The following TNFRSF18 variants were observed in gnomAD, a reference collection of about 807,000 sequenced individuals.
The protein encoded by TNFRSF18 is tumor necrosis factor receptor superfamily member 18.
A neutral mutation model predicts 30.2 loss-of-function variants in TNFRSF18; 36 were observed. The observed-to-expected ratio is 1.19, with a 90% CI of 0.91 to 1.58. TNFRSF18 has a LOEUF of 1.58. TNFRSF18 is among the 40% of genes most tolerant of loss of function. The pLI is 0.00. For missense variants in TNFRSF18, 369 were observed against 345.4 expected (o/e 1.07, Z -0.54); for synonymous variants, 173 against 158.3 (o/e 1.09, Z -0.70).
rs760171509 is a variant in TNFRSF18 at position 1,203,942 on chromosome 1, G to T, written c.628C>A (p.Pro210Thr). The change falls in exon 5 of 5, where the codon CCG (proline) becomes ACG (threonine). Residue 210 changes from proline (P) to threonine (T), a missense_variant. Physicochemically the swap from Pro to Thr is conservative, Grantham distance 38. Transcript: ENST00000379268. ...RETQLLLEVP[P>T]STEDARSCQF... ...CAGCTTCTGGCGTCTTCGGTCGACG[G>T]CGGCACCTCCAGCAGCAGCTGGGTC... 4.9e-5 allele frequency: 78 copies of T among 1,607,334 alleles called. 1 individual carries two copies. The highest frequency in any genetic ancestry group is 2.0e-4 in the East Asian group (9 of 44,856).
intron 3 of TNFRSF18, 61 bp from the exon 4 acceptor site, chr1:1,204,297 G>C: frequency 6.3e-7 from 1 of 1,591,522 alleles, no homozygotes; most frequent in African/African-American, 1.3e-5. Context: ...TCAGCCCCCG[G>C]CTGCTGCCCT....
Position 1,203,741 on chromosome 1 carries a change from G to A in TNFRSF18, c.*103C>T, listed in dbSNP as rs1272242291. 6.4e-6 allele frequency: 10 copies of A among 1,560,298 alleles called. No individual in the cohort carries two copies. The East Asian group carries it at 1.9e-4, about 29-fold the overall frequency. ...CTTCCTGCACCCACTTCTGCTGCCA[G>A]GGGAGCAGGGCCCGGCCCAGAGCAG... On this transcript the variant is annotated 3_prime_UTR_variant, in exon 5 of 5. Transcript: ENST00000379268.
rs966737145 is a variant in TNFRSF18, at chr1:1,204,158, C to G, written c.477G>C (p.Pro159=). The change falls in exon 4 of 5, where the codon CCG becomes CCC. Residue 159 remains proline (P), a synonymous_variant. Transcript: ENST00000379268. ...HNAVCVPGSP[P]AEPLGWLTVV... ...CGGTCAGCCACCCAAGCGGCTCTGC[C>G]GGCGGGGACCCTGGGACGCACACAG... The G allele has an allele frequency of 1.2e-6, 2 of 1,611,928 alleles. No individual in the cohort carries two copies. Among genetic ancestry groups the G allele is most frequent in the African/African-American group, 1.3e-5 (1 of 74,942 alleles).
At chr1:1,204,366 C>G in intron 3 of TNFRSF18, 33 bp downstream of exon 3, 1 of 1,608,846 alleles carries the variant, frequency 6.2e-7, no homozygotes, top group Non-Finnish European at 8.5e-7. Context: ...GCCTGGACCA[C>G]CCGGCCACCG....
Position 1,205,500 on chromosome 1 carries a change from G to A in TNFRSF18, c.188-8C>T, listed in dbSNP as rs560117848. The A allele has an allele frequency of 1.2e-6, 2 of 1,610,046 alleles. No individual in the cohort carries two copies. Among genetic ancestry groups the A allele is most frequent in the South Asian group, 2.2e-5 (2 of 90,844 alleles). On this transcript the variant is annotated splice_polypyrimidine_tract_variant and splice_region_variant and intron_variant, in intron 1 of 4. Coordinates refer to ENST00000379268, the MANE Select transcript of TNFRSF18 (RefSeq NM_004195.3). ...CGGAACAGCACTCCTCGCCTGGGCA[G>A]GAGACAGGCCAGCCCCCCAGCAGCT...
At chr1:1,204,517 G>T in intron 2 of TNFRSF18, 31 bp from the exon 3 acceptor site, 3 of 1,434,910 alleles carry the variant, frequency 2.1e-6, no homozygotes, top group South Asian at 2.3e-5. Flanking sequence ...AGGGAGGGAG[G>T]GAGGCTGGTG....
Position 1,204,228 on chromosome 1 carries a change from T to C in TNFRSF18, c.407A>G (p.Gln136Arg), listed in dbSNP as rs1648694268. ...GHCKPWTDCT[Q>R]FGFLTVFPGN... is the part of the protein sequence containing the mutation. ...AGGGAACACAGTGAGAAACCCGAAC[T>C]GGGTGCAGCTGGAATACATGGACGC... is the stretch of plus-strand genomic sequence containing the variant. The change falls in exon 4 of 5, where the codon CAG becomes CGG. Residue 136 changes from glutamine (Q) to arginine (R), a missense_variant. Gln to Arg is a conservative substitution (Grantham distance 43). Coordinates refer to ENST00000379268, the MANE Select transcript of TNFRSF18 (RefSeq NM_004195.3). 1.2e-6 allele frequency: 2 copies of C among 1,610,510 alleles called. No homozygotes were observed. Among genetic ancestry groups the C allele is most frequent in the Admixed American group, 3.3e-5 (2 of 59,800 alleles).
chr1:1,206,365 A>G lies in TNFRSF18; in HGVS notation c.187+20T>C. The G allele has an allele frequency of 1.3e-6, 2 of 1,545,008 alleles. No homozygotes were observed. The highest frequency in any genetic ancestry group is 1.7e-6 in the Non-Finnish European group (2 of 1,145,338). ...GGGACGCCTTGGCCGGTCCGCGTTA[A>G]GTAAACGCGGTTTACTTACCCGGGT... On this transcript the variant is annotated intron_variant, in intron 1 of 4. Transcript: ENST00000379268.
intron 1 of TNFRSF18, 142 bp from the exon 2 acceptor site, chr1:1,205,634 A>G: frequency 1.2e-6 from 1 of 851,506 alleles, no homozygotes; most frequent in Non-Finnish European, 1.8e-6. Flanking sequence ...CCTGGCTGGG[A>G]GTCTGGACCC....
intron 2 of TNFRSF18, among the ~76,000 whole-genome samples, chr1:1,204,753 G>A (rs1427334411): frequency 2.0e-5 from 3 of 152,188 alleles, no homozygotes; most frequent in East Asian, 3.9e-4. Context: ...GAGGGGAAAG[G>A]CCTGCCCATT....
Position 1,203,900 on chromosome 1 carries a change from C to G in TNFRSF18, c.670G>C (p.Glu224Gln). Reference sequence around the variant, plus strand: ...TCCTCTGCCGATCGCTCGCCCCGCTCTTCCTCGGGGAACTGGCAGCTTCTG... The same window carrying G: ...TCCTCTGCCGATCGCTCGCCCCGCTGTTCCTCGGGGAACTGGCAGCTTCTG... ...DARSCQFPEE[E>Q]RGERSAEEKG... The change falls in exon 5 of 5, where the codon GAG (glutamate) becomes CAG (glutamine). Residue 224 changes from glutamate to glutamine, a missense_variant. By Grantham distance (29) the Glu-to-Gln change is conservative. Coordinates refer to ENST00000379268, the MANE Select transcript of TNFRSF18 (RefSeq NM_004195.3). 6.2e-7 allele frequency: 1 copy of G among 1,607,194 alleles called. No individual in the cohort carries two copies. Among genetic ancestry groups the G allele is most frequent in the Non-Finnish European group, 8.5e-7 (1 of 1,179,436 alleles).
In TNFRSF18 at chr1:1,203,998, C is replaced by T. The variant is rs878949449; in HGVS notation, c.602-30G>A. 1.2e-6 allele frequency: 2 copies of T among 1,607,464 alleles called. 1 individual carries two copies. Among genetic ancestry groups the T allele is most frequent in the South Asian group, 2.2e-5 (2 of 90,738 alleles). On this transcript the variant is annotated intron_variant, in intron 4 of 4. Coordinates refer to ENST00000379268, the MANE Select transcript of TNFRSF18 (RefSeq NM_004195.3). ...AGGGGGGCCACGGTCAGCAGGCAGC[C>T]ATGCTCCCACCTCCCCGCACCAGGC...
intron 1 of TNFRSF18, 37 bp from the exon 2 acceptor site, chr1:1,205,529 C>G (rs11466685): frequency 1.3e-6 from 2 of 1,596,998 alleles, no homozygotes; most frequent in Non-Finnish European, 1.7e-6. Flanking sequence ...AGCAGCTGGG[C>G]TGAGGCCCCC....
rs371611084 is a variant in TNFRSF18 at position 1,203,820 on chromosome 1, G to A, written c.*24C>T. ...TCCTGGGGAGGGGCTGGCTGCGGTC[G>A]GTGGCCCCGGAGGACGGCCAGGCTC... On this transcript the variant is annotated 3_prime_UTR_variant, in exon 5 of 5. Coordinates refer to ENST00000379268, the MANE Select transcript of TNFRSF18 (RefSeq NM_004195.3). 4.6e-5 allele frequency: 73 copies of A among 1,582,024 alleles called. No homozygotes were observed. The Middle Eastern group carries it at 5.1e-4, about 11-fold the overall frequency.
rs753868857 is a variant in TNFRSF18, at chr1:1,203,769, C to G, written c.*75G>C. 3 of 1,563,342 alleles carry G rather than the reference C, an allele frequency of 1.9e-6. No individual in the cohort carries two copies. The African/African-American group carries it at 4.0e-5, about 21-fold the overall frequency. On this transcript the variant is annotated 3_prime_UTR_variant, in exon 5 of 5. Transcript: ENST00000379268. ...GAGCAGGGCCCGGCCCAGAGCAGAA[C>G]GCAGAGCCCCTGCGGCCTGGGGAGC...
In TNFRSF18 at chr1:1,204,150, G is replaced by A. The variant is rs531747501; in HGVS notation, c.485C>T (p.Pro162Leu). ...VCVPGSPPAE[P>L]LGWLTVVLLA... Reference sequence around the variant, plus strand: ...GAGGACGACGGTCAGCCACCCAAGCGGCTCTGCCGGCGGGGACCCTGGGAC... The same window carrying A: ...GAGGACGACGGTCAGCCACCCAAGCAGCTCTGCCGGCGGGGACCCTGGGAC... The change falls in exon 4 of 5, where the codon CCG becomes CTG. Residue 162 changes from proline (P) to leucine (L), a missense_variant. By Grantham distance (98) the Pro-to-Leu change is moderately conservative. Transcript: ENST00000379268. 58 of 1,612,154 alleles carry A rather than the reference G, an allele frequency of 3.6e-5. No individual in the cohort carries two copies. The African/African-American group carries it at 6.1e-4, about 17-fold the overall frequency.
rs763829047 is a variant in TNFRSF18 at position 1,203,828 on chromosome 1, C to G, written c.*16G>C. 3.8e-6 allele frequency: 6 copies of G among 1,585,840 alleles called. No individual in the cohort carries two copies. Among genetic ancestry groups the G allele is most frequent in the East Asian group, 2.3e-5 (1 of 43,860 alleles). On this transcript the variant is annotated 3_prime_UTR_variant, in exon 5 of 5. Coordinates refer to ENST00000379268, the MANE Select transcript of TNFRSF18 (RefSeq NM_004195.3). ...AGGGGCTGGCTGCGGTCGGTGGCCCCGGAGGACGGCCAGGCTCACACCCAC... is the reference window on the plus strand; with the variant it reads ...AGGGGCTGGCTGCGGTCGGTGGCCCGGGAGGACGGCCAGGCTCACACCCAC...
Position 1,206,436 on chromosome 1 carries a change from C to A in TNFRSF18, c.136G>T (p.Asp46Tyr). 6.5e-7 allele frequency: 1 copy of A among 1,547,450 alleles called. No homozygotes were observed. The highest frequency in any genetic ancestry group is 8.7e-7 in the Non-Finnish European group (1 of 1,146,228). The change falls in exon 1 of 5, where the codon GAC (aspartate) becomes TAC (tyrosine). Residue 46 changes from aspartate to tyrosine, a missense_variant. Coordinates refer to ENST00000379268, the MANE Select transcript of TNFRSF18 (RefSeq NM_004195.3). Reference protein sequence around the residue: ...PGRLLLGTGTDARCCRVHTTR... With the variant: ...PGRLLLGTGTYARCCRVHTTR... ...GTGTGAACCCGGCAGCAGCGCGCGT[C>A]CGTTCCCGTCCCAAGCAGGAGGCGC...
Position 1,204,101 on chromosome 1 carries a change from G to A in TNFRSF18, c.534C>T (p.Leu178=). Reference sequence around the variant, plus strand: ...GTCCAAGCTGGGCCGAGGTCAGGAGGAGGACGCAGGCGGCCACGGCCAGGA... The same window carrying A: ...GTCCAAGCTGGGCCGAGGTCAGGAGAAGGACGCAGGCGGCCACGGCCAGGA... ...VVLLAVAACV[L]LLTSAQLGLH... The change falls in exon 4 of 5, where the codon CTC becomes CTT. Residue 178 remains leucine (L), a synonymous_variant. Transcript: ENST00000379268. 1 of 1,610,030 alleles carries A rather than the reference G, an allele frequency of 6.2e-7. No homozygotes were observed. The highest frequency in any genetic ancestry group is 8.5e-7 in the Non-Finnish European group (1 of 1,178,792).
Sources: allele counts gnomAD v4.1 joint callset (sites outside exome capture counted in the v4.1 genomes callset), GRCh38; gene constraint gnomAD v4.1.1; transcripts MANE v1.5; gene names NCBI Gene and HGNC (gene_info 2026-07-23, HGNC 2026-07-21).